The following IFT43 variants were observed in gnomAD, a reference collection of about 807,000 sequenced individuals.
The protein encoded by IFT43 is intraflagellar transport 43, also known as intraflagellar transport protein 43 homolog.
IFT43 carries 33 observed loss-of-function variants against 32.3 expected under a neutral mutation model. The observed-to-expected ratio is 1.02, with a 90% CI of 0.77 to 1.37. The LOEUF is 1.37. IFT43 is among the 40% of genes most tolerant of loss of function. The pLI, the probability that IFT43 is intolerant of heterozygous loss-of-function variation, is 0.00. For synonymous variants in IFT43, 93 were observed against 98.2 expected, an observed-to-expected ratio of 0.95 and a Z score of 0.31; for missense variants, 274 against 265.9, an observed-to-expected ratio of 1.03 and a Z score of -0.21.
At chr14:76,014,724 G>T (rs2036150691) in intron 2 of IFT43, among the ~76,000 whole-genome samples, 1 of 152,072 alleles carries the variant, frequency 6.6e-6, no homozygotes, top group Admixed American at 6.5e-5. Context: ...GACATATATT[G>T]TAAGCCTTAT....
chr14:76,045,309 C>A (rs2036786209), intron 3 of IFT43, among the ~76,000 whole-genome samples: 1 of 152,188 alleles, frequency 6.6e-6, no homozygotes, highest in South Asian at 2.1e-4. Context: ...CCTTAGAATT[C>A]TTCTCCTCCT....
chr14:76,044,606 G>A (rs1031919551), intron 3 of IFT43, among the ~76,000 whole-genome samples: 1 of 152,124 alleles, frequency 6.6e-6, no homozygotes, highest in Non-Finnish European at 1.5e-5. Context: ...CTGAGGTCAG[G>A]GAGTAGGTTC....
chr14:75,990,700 G>A (rs2035621385), intron 2 of IFT43, among the ~76,000 whole-genome samples: 1 of 152,164 alleles, frequency 6.6e-6, no homozygotes, highest in African/African-American at 2.4e-5. Flanking sequence ...TAGGAATTTG[G>A]TGAAAGAAGA....
At chr14:76,044,126 T>C (rs920078389) in intron 3 of IFT43, among the ~76,000 whole-genome samples, 3 of 151,756 alleles carry the variant, frequency 2.0e-5, no homozygotes, top group South Asian at 4.2e-4. Context: ...CTCGGCTCAC[T>C]GTAACCTCCA....
At chr14:76,057,241 TA>T (rs1208723061) in intron 3 of IFT43, among the ~76,000 whole-genome samples, 5 of 127,058 alleles carry the variant, frequency 3.9e-5, no homozygotes, top group South Asian at 2.5e-4. Context: ...TTTATATTAT[TA>T]TTTTTTTTGA....
intron 2 of IFT43, among the ~76,000 whole-genome samples, chr14:76,011,335 C>T (rs1339393273): frequency 6.6e-6 from 1 of 152,146 alleles, no homozygotes; most frequent in Non-Finnish European, 1.5e-5. Context: ...ATTACTTTCT[C>T]ACCTGATTTG....
chr14:76,022,295 A>C, intron 2 of IFT43, 32 bp from the exon 3 acceptor site: 1 of 1,573,326 alleles, frequency 6.4e-7, no homozygotes, highest in Non-Finnish European at 8.7e-7. Flanking sequence ...ATGTTGAGTG[A>C]ATGTGTTCTT....
rs370067764 is a variant in IFT43, at chr14:76,035,724, A to G, written c.215+13330A>G. Among the ~76,000 whole-genome samples the G allele has an allele frequency of 1.2e-3, 182 of 152,338 alleles. 6 individuals carry two copies. In the South Asian group the frequency reaches 0.036, roughly 30 times the overall value. ...CCCCATAGAAGTCAATTTCCCAGAAAGGTGTCACAGAGGGAAGGTTAGCTG... is the reference window on the plus strand; with the variant it reads ...CCCCATAGAAGTCAATTTCCCAGAAGGGTGTCACAGAGGGAAGGTTAGCTG... On this transcript the variant is annotated intron_variant, in intron 3 of 8. Transcript: ENST00000314067.
At chr14:76,030,549 A>G (rs1428823369) in intron 3 of IFT43, among the ~76,000 whole-genome samples, 1 of 152,178 alleles carries the variant, frequency 6.6e-6, no homozygotes, top group Non-Finnish European at 1.5e-5. Context: ...TAGGAAACAC[A>G]TTTTAAAAAA....
chr14:76,031,956 C>T (rs2036516656), intron 3 of IFT43, among the ~76,000 whole-genome samples: 1 of 152,174 alleles, frequency 6.6e-6, no homozygotes, highest in Non-Finnish European at 1.5e-5. Context: ...TATTTCCAGC[C>T]CAGTTCTCCT....
chr14:76,041,265 G>T (rs1249574288), intron 3 of IFT43, among the ~76,000 whole-genome samples: 1 of 152,216 alleles, frequency 6.6e-6, no homozygotes, highest in Non-Finnish European at 1.5e-5. Context: ...AATTATTGGA[G>T]CCAAGAGTAG....
chr14:76,006,423 T>G (rs74727742), intron 2 of IFT43, among the ~76,000 whole-genome samples: 1 of 152,154 alleles, frequency 6.6e-6, no homozygotes, highest in African/African-American at 2.4e-5. Context: ...CCTTACTCAT[T>G]TGAGAAAGGG....
chr14:76,045,566 G>A (rs1388822427), intron 3 of IFT43, among the ~76,000 whole-genome samples: 1 of 152,156 alleles, frequency 6.6e-6, no homozygotes, highest in Admixed American at 6.5e-5. Flanking sequence ...GCAGCCCGGG[G>A]CTGTAGGCAC....
At chr14:76,079,504 G>A (rs2037470098) in intron 5 of IFT43, among the ~76,000 whole-genome samples, 2 of 152,156 alleles carry the variant, frequency 1.3e-5, no homozygotes, top group African/African-American at 4.8e-5. Flanking sequence ...CAACTAGTAG[G>A]TCGTGGAGCC....
chr14:75,996,176 T>C (rs891663378), intron 2 of IFT43, among the ~76,000 whole-genome samples: 9 of 152,236 alleles, frequency 5.9e-5, no homozygotes, highest in Admixed American at 2.0e-4. Flanking sequence ...GAGAAATATG[T>C]GTCAAGAGCT....
At chr14:76,075,872 G>A (rs1034293452) in intron 5 of IFT43, among the ~76,000 whole-genome samples, 3 of 152,336 alleles carry the variant, frequency 2.0e-5, no homozygotes, top group South Asian at 2.1e-4. Flanking sequence ...TTTTGTAGCT[G>A]CAGAGAAAAA....
Position 75,999,580 on chromosome 14 carries a change from A to G in IFT43, c.147+10603A>G, listed in dbSNP as rs1336606487. On this transcript the variant is annotated intron_variant, in intron 2 of 8. Coordinates refer to ENST00000314067, the MANE Select transcript of IFT43 (RefSeq NM_001102564.3). ...GAACCACACACCTATACCAAAAATTATAATTCTGAAGTACTATCTGAGTTC... is the reference window on the plus strand; with the variant it reads ...GAACCACACACCTATACCAAAAATTGTAATTCTGAAGTACTATCTGAGTTC... Among the ~76,000 whole-genome samples, 5 of 152,306 alleles carry G rather than the reference A, an allele frequency of 3.3e-5. No individual in the cohort carries two copies. In the East Asian group the frequency reaches 7.7e-4, roughly 24 times the overall value.
chr14:76,039,291 T>C (rs1351105233), intron 3 of IFT43, among the ~76,000 whole-genome samples: 2 of 152,158 alleles, frequency 1.3e-5, no homozygotes, highest in African/African-American at 4.8e-5. Context: ...CCTGCGTAGT[T>C]GAGACTACAG....
rs771890081 is a variant in IFT43, at chr14:76,082,357, G to C, written c.358G>C (p.Ala120Pro). 2 of 1,604,960 alleles carry C rather than the reference G, an allele frequency of 1.2e-6. No individual in the cohort carries two copies. The highest frequency in any genetic ancestry group is 2.2e-5 in the South Asian group (2 of 90,876). The change falls in exon 6 of 9, where the codon GCC (alanine) becomes CCC (proline). Residue 120 changes from alanine to proline, a missense_variant. Transcript: ENST00000314067. ...QEEDFVLQVA[A>P]PPSIQIKRVM... is the part of the protein sequence containing the mutation. ...AGAAGACTTTGTTTTGCAGGTGGCA[G>C]CCCCTCCCAGGTAGGTTAAATCAGA...
Sources: gnomAD v4.1 joint callset for allele counts (sites outside exome capture counted in the v4.1 genomes callset) on GRCh38, gnomAD v4.1.1 for gene constraint, MANE v1.5 for transcripts, NCBI Gene and HGNC (gene_info 2026-07-23, HGNC 2026-07-21) for gene names.